ADGRL3: variants seen among roughly 807,000 people sequenced by gnomAD.
ADGRL3 encodes the protein adhesion G protein-coupled receptor L3.
Under a neutral mutation model 153.5 loss-of-function variants are expected in ADGRL3, and 62 were observed. That is an observed-to-expected ratio of 0.40 (90% CI 0.33 to 0.50). The LOEUF (loss-of-function observed/expected upper bound fraction) is 0.50. Ranked by LOEUF, ADGRL3 falls within the 20% of genes least tolerant of loss-of-function variation. The pLI, the probability that ADGRL3 is intolerant of heterozygous loss-of-function variation, is 0.47. For synonymous variants in ADGRL3, 710 were observed against 672.5 expected (o/e 1.06, Z -0.86); for missense variants, 1,641 against 1,859.4 (o/e 0.88, Z 2.16).
At chr4:61,665,985 A>G (rs963106407) in intron 5 of ADGRL3, among the ~76,000 whole-genome samples, 5 of 152,238 alleles carry the variant, frequency 3.3e-5, no homozygotes, top group African/African-American at 9.6e-5. Context: ...TTATTGTTAT[A>G]AAGCATGAAG....
chr4:61,933,418 G>A (rs1018943182), intron 13 of ADGRL3, among the ~76,000 whole-genome samples: 1 of 151,880 alleles, frequency 6.6e-6, no homozygotes, highest in African/African-American at 2.4e-5. Flanking sequence ...ACTAGGTCAC[G>A]CTTTACACCA....
chr4:61,353,281 G>A (rs1356495016), intron 1 of ADGRL3, among the ~76,000 whole-genome samples: 9 of 152,048 alleles, frequency 5.9e-5, no homozygotes, highest in Admixed American at 5.9e-4. Flanking sequence ...TATATAATGT[G>A]TTTTATCACA....
chr4:61,887,764 G>T (rs779922095), intron 9 of ADGRL3, among the ~76,000 whole-genome samples: 28 of 152,148 alleles, frequency 1.8e-4, no homozygotes, highest in Non-Finnish European at 3.4e-4. Flanking sequence ...AGAATCACTT[G>T]AACCCAGGAG....
chr4:61,701,378 A>G (rs1245141025), intron 6 of ADGRL3, among the ~76,000 whole-genome samples: 3 of 151,970 alleles, frequency 2.0e-5, no homozygotes, highest in African/African-American at 7.2e-5. Context: ...TACATAATCA[A>G]GTAAGTTTAT....
chr4:61,680,174 T>A (rs1210259810), intron 6 of ADGRL3, among the ~76,000 whole-genome samples: 1 of 152,032 alleles, frequency 6.6e-6, no homozygotes. Context: ...AGATCACTAT[T>A]TCATTAATGT....
At chr4:61,205,206 A>G (rs1736555404) in intron 1 of ADGRL3, among the ~76,000 whole-genome samples, 1 of 152,210 alleles carries the variant, frequency 6.6e-6, no homozygotes, top group Admixed American at 6.5e-5. Context: ...TGTTTTTCAG[A>G]TTGGATTTGG....
At chr4:61,581,441 C>T (rs574816718) in intron 4 of ADGRL3, among the ~76,000 whole-genome samples, 7 of 152,034 alleles carry the variant, frequency 4.6e-5, no homozygotes, top group East Asian at 1.9e-4. Flanking sequence ...AATCAAAATG[C>T]GCATGCCCTC....
chr4:61,699,400 C>G (rs1335133806), intron 6 of ADGRL3, among the ~76,000 whole-genome samples: 1 of 152,006 alleles, frequency 6.6e-6, no homozygotes, highest in East Asian at 1.9e-4. Flanking sequence ...TAATTGGCTG[C>G]TGTATGCCCA....
At chr4:61,955,832 C>T (rs2098964055) in intron 17 of ADGRL3, among the ~76,000 whole-genome samples, 1 of 152,098 alleles carries the variant, frequency 6.6e-6, no homozygotes, top group South Asian at 2.1e-4. Flanking sequence ...TGATGTATTC[C>T]AGCTTCATCC....
rs560821812 is a variant in ADGRL3, at chr4:61,563,941, G to A, written c.260-23286G>A. Among the ~76,000 whole-genome samples the A allele has an allele frequency of 1.5e-4, 23 of 152,126 alleles. 1 individual carries two copies. In the South Asian group the frequency reaches 4.4e-3, roughly 29 times the overall value. The stretch of plus-strand genomic sequence containing the variant: ...GAGAATCGATTGAACTGGGGGAGGC[G>A]CAGATTGCAGTGAGCCGAGATGGCA... On this transcript the variant is annotated intron_variant, in intron 4 of 26. Transcript: ENST00000683033.
At chr4:61,719,201 A>T (rs534875526) in intron 6 of ADGRL3, among the ~76,000 whole-genome samples, 1 of 152,240 alleles carries the variant, frequency 6.6e-6, no homozygotes, top group African/African-American at 2.4e-5. Flanking sequence ...AGGAACATAA[A>T]TTCGTAAGGA....
At position 61,909,759 on chromosome 4, in the gene ADGRL3, TTATG is replaced by T; in HGVS notation, c.2073+16_2073+19del. On this transcript the variant is annotated intron_variant, in intron 12 of 26. Transcript: ENST00000683033. ...AGTTTGAACAAGGTAAGGACCCTAA[TTATG>T]TGTGTGTGTGTGTGTGTGTGTGTGT... The T allele has an allele frequency of 1.9e-6, 2 of 1,073,460 alleles. No homozygotes were observed. The highest frequency in any genetic ancestry group is 2.3e-5 in the African/African-American group (1 of 42,930). The allele number at this position is 1,073,460 out of a possible 1,614,324, so 66.5% of individuals were successfully genotyped here. A position where few individuals can be genotyped will look rare whatever the true frequency, so the allele number is the denominator to read the frequency against.
chr4:61,697,979 T>G (rs1250755766), intron 6 of ADGRL3, among the ~76,000 whole-genome samples: 1 of 152,130 alleles, frequency 6.6e-6, no homozygotes, highest in Admixed American at 6.6e-5. Flanking sequence ...ATACTTAGAA[T>G]CAGGAAATAC....
intron 5 of ADGRL3, among the ~76,000 whole-genome samples, chr4:61,650,096 T>G (rs2094190701): frequency 6.6e-6 from 1 of 152,120 alleles, no homozygotes; most frequent in Non-Finnish European, 1.5e-5. Flanking sequence ...GGCGGAACAT[T>G]TTAGGGCAAC....
At chr4:61,346,699 C>T (rs2095918120) in intron 1 of ADGRL3, among the ~76,000 whole-genome samples, 1 of 147,952 alleles carries the variant, frequency 6.8e-6, no homozygotes, top group Non-Finnish European at 1.5e-5. Flanking sequence ...TGCATTAGCC[C>T]AGGAGCCCAG....
chr4:61,824,532 C>A (rs983009214), intron 9 of ADGRL3, among the ~76,000 whole-genome samples: 3 of 152,026 alleles, frequency 2.0e-5, no homozygotes, highest in Non-Finnish European at 2.9e-5. Flanking sequence ...TAGTTTTATA[C>A]CCGTATAGTA....
At chr4:61,779,460 C>G (rs1441707357) in intron 8 of ADGRL3, among the ~76,000 whole-genome samples, 2 of 151,394 alleles carry the variant, frequency 1.3e-5, no homozygotes, top group African/African-American at 4.9e-5. Flanking sequence ...TGGTGAAACC[C>G]TGTTCTCTAT....
chr4:61,515,395 A>G (rs1203643718), intron 3 of ADGRL3, among the ~76,000 whole-genome samples: 2 of 152,050 alleles, frequency 1.3e-5, no homozygotes, highest in Non-Finnish European at 2.9e-5. Context: ...CCTTTACATA[A>G]TACTCTATTT....
chr4:61,418,592 A>G (rs17238982), intron 2 of ADGRL3, among the ~76,000 whole-genome samples: 18,346 of 150,778 alleles, frequency 0.12, 1,557 homozygotes, highest in Non-Finnish European at 0.17. Flanking sequence ...TTGATAAAAT[A>G]ATACAGATTG....
Sources: gnomAD v4.1 joint callset for allele counts (sites outside exome capture counted in the v4.1 genomes callset) on GRCh38, gnomAD v4.1.1 for gene constraint, MANE v1.5 for transcripts, NCBI Gene and HGNC (gene_info 2026-07-23, HGNC 2026-07-21) for gene names.